Variants in ETV4 observed in about 807,000 individuals in gnomAD.
ETV4 encodes the protein ETS variant transcription factor 4.
ETV4 carries 42 observed loss-of-function variants against 65.9 expected under a neutral mutation model. The ratio of observed to expected loss-of-function variants is 0.64; its 90% CI spans 0.50 to 0.82. The LOEUF is 0.82. Among genes scored for constraint, ETV4 ranks in the 40% least tolerant of loss-of-function variants. The pLI, the probability that ETV4 is intolerant of heterozygous loss-of-function variation, is 0.00. For missense variants in ETV4, 583 were observed against 630.3 expected (o/e 0.92, Z 0.80); for synonymous variants, 238 against 260.0 (o/e 0.92, Z 0.81).
rs138305357 is a variant in ETV4 at position 43,529,148 on chromosome 17, C to T, written c.1217G>A (p.Gly406Asp). 2 of 1,613,914 alleles carry T rather than the reference C, an allele frequency of 1.2e-6. No homozygotes were observed. The highest frequency in any genetic ancestry group is 1.7e-6 in the Non-Finnish European group (2 of 1,180,032). ...SRSLRYYYEKGIMQKVAGERY... is the reference protein window; with the variant it reads ...SRSLRYYYEKDIMQKVAGERY... ...CACAGCCCCCACCTTCTGCATGATGCCTTTCTCATAATAGTATCGGAGCGA... is the reference window on the plus strand; with the variant it reads ...CACAGCCCCCACCTTCTGCATGATGTCTTTCTCATAATAGTATCGGAGCGA... Residue 406 changes from glycine (G) to aspartate (D), a missense_variant, in exon 12 of 13, where the codon GGC becomes GAC. By Grantham distance (94) the Gly-to-Asp change is moderately conservative. Coordinates refer to ENST00000319349, the MANE Select transcript of ETV4 (RefSeq NM_001079675.5).
At position 43,528,550 on chromosome 17, in the gene ETV4, G is replaced by T; in HGVS notation, c.1424C>A (p.Pro475Gln). The stretch of plus-strand genomic sequence containing the variant: ...AGAGTAGCCACCCTTGGGGCCAAAT[G>T]GCTGGGCGGGGCCAGCCAGCTCTGG... ...YLPELAGPAQ[P>Q]FGPKGGYSY Residue 475 changes from proline (P) to glutamine (Q), a missense_variant, in exon 13 of 13, where the codon CCA becomes CAA. Transcript: ENST00000319349. 9 of 1,612,680 alleles carry T rather than the reference G, an allele frequency of 5.6e-6. No homozygotes were observed. Among genetic ancestry groups the T allele is most frequent in the Non-Finnish European group, 7.6e-6 (9 of 1,179,192 alleles).
intron 6 of ETV4, among the ~76,000 whole-genome samples, 158 bp from the exon 7 acceptor site, chr17:43,533,506 C>T (rs544049545): frequency 6.6e-6 from 1 of 152,170 alleles, no homozygotes; most frequent in African/African-American, 2.4e-5. Flanking sequence ...TCAGCCCTAG[C>T]CAATTCTTTT....
At chr17:43,535,910 A>G (rs187526987) in intron 5 of ETV4, among the ~76,000 whole-genome samples, 42 of 152,332 alleles carry the variant, frequency 2.8e-4, no homozygotes, top group African/African-American at 7.9e-4. Context: ...CAGGAATTCG[A>G]GACCATCCTG....
intron 12 of ETV4, 25 bp from the exon 13 acceptor site, chr17:43,528,768 C>A: frequency 6.2e-7 from 1 of 1,603,004 alleles, no homozygotes; most frequent in South Asian, 1.1e-5. Context: ...AAGGTCTGGT[C>A]AGCCTGGCTA....
Position 43,536,275 on chromosome 17 carries a change from G to T in ETV4, c.256+151C>A. The T allele has an allele frequency of 4.1e-6, 3 of 725,440 alleles. No homozygotes were observed. In the South Asian group the frequency reaches 5.1e-5, roughly 12 times the overall value. 44.9% of individuals were successfully genotyped at this position (725,440 alleles called of 1,614,324 possible). A position where few individuals can be genotyped will look rare whatever the true frequency, so the allele number is the denominator to read the frequency against. On this transcript the variant is annotated intron_variant, in intron 5 of 12. Transcript: ENST00000319349. ...TGTCAAGCCCCAGATTTCAACCAAG[G>T]TTTTCATTCCAGTTATTGCCTTGGT... is the stretch of plus-strand genomic sequence containing the variant.
At chr17:43,543,296 T>TCTCA (rs888736657) in intron 4 of ETV4, among the ~76,000 whole-genome samples, 42 of 143,452 alleles carry the variant, frequency 2.9e-4, no homozygotes, top group African/African-American at 7.5e-4. Context: ...TCTCTCTCTC[T>TCTCA]CACACACACA....
At chr17:43,545,069 A>G (rs1354030646) in intron 3 of ETV4, 47 bp from the exon 4 acceptor site, 1 of 1,587,370 alleles carries the variant, frequency 6.3e-7, no homozygotes, top group Non-Finnish European at 8.7e-7. Context: ...GGGGACGGTA[A>G]GAGAGAAGGG....
At chr17:43,530,590 C>A (rs982794898) in intron 8 of ETV4, among the ~76,000 whole-genome samples, 3 of 145,600 alleles carry the variant, frequency 2.1e-5, no homozygotes, top group Non-Finnish European at 4.5e-5. Flanking sequence ...GGTCAGGTTC[C>A]CAGCCCTGTG....
At chr17:43,532,635 C>T in intron 8 of ETV4, 39 bp downstream of exon 8, 4 of 1,576,490 alleles carry the variant, frequency 2.5e-6, no homozygotes, top group Non-Finnish European at 3.5e-6. Flanking sequence ...TAACTGAACA[C>T]TTGATCACAT....
intron 4 of ETV4, chr17:43,543,996 G>A (rs1035819927): frequency 1.3e-5 from 2 of 152,104 alleles, no homozygotes; most frequent in African/African-American, 4.8e-5. Context: ...CAGGGTGGAG[G>A]GATGAGGAGA....
Position 43,528,000 on chromosome 17 carries a change from C to T in ETV4, c.*519G>A, listed in dbSNP as rs1201040973. ...TGCTTATACCCAGCACCCCTCATCC[C>T]AGGTTCCTTTCTTCAACCTCCGCCT... On this transcript the variant is annotated 3_prime_UTR_variant, in exon 13 of 13. Transcript: ENST00000319349. 2 of 234,168 alleles carry T rather than the reference C, an allele frequency of 8.5e-6. No individual in the cohort carries two copies. The highest frequency in any genetic ancestry group is 1.2e-4 in the East Asian group (2 of 16,596). 14.5% of individuals were successfully genotyped at this position (234,168 alleles called of 1,614,324 possible).
chr17:43,540,282 A>G (rs1265490592), intron 4 of ETV4, among the ~76,000 whole-genome samples: 1 of 152,004 alleles, frequency 6.6e-6, no homozygotes, highest in Non-Finnish European at 1.5e-5. Context: ...GCGAAACCCC[A>G]TCTCTACTAA....
chr17:43,530,967 G>A (rs565952149), intron 8 of ETV4, among the ~76,000 whole-genome samples: 11 of 152,226 alleles, frequency 7.2e-5, no homozygotes, highest in African/African-American at 2.4e-4. Flanking sequence ...GGGGGGAGGG[G>A]CAGGAGTTCA....
chr17:43,532,787 A>C lies in ETV4; in HGVS notation c.698T>G (p.Leu233Arg). The C allele has an allele frequency of 6.2e-7, 1 of 1,613,874 alleles. No individual in the cohort carries two copies. Among genetic ancestry groups the C allele is most frequent in the Non-Finnish European group, 8.5e-7 (1 of 1,179,988 alleles). ...GGCTGGCTGGCCCGCCTGTTCATAC[A>C]GGGGATCATGGTATTCTTGCTTAAA... ...QSFKQEYHDP[L>R]YEQAGQPAVD... is the part of the protein sequence containing the mutation. Residue 233 changes from leucine (L) to arginine (R), a missense_variant, in exon 8 of 13, where the codon CTG (leucine) becomes CGG (arginine). By Grantham distance (102) the Leu-to-Arg change is moderately radical. Transcript: ENST00000319349.
chr17:43,545,812 C>T (rs929303837), intron 1 of ETV4, 144 bp from the exon 2 acceptor site: 6 of 605,810 alleles, frequency 9.9e-6, no homozygotes, highest in African/African-American at 7.5e-5. Flanking sequence ...CCTGCCAGGC[C>T]GAGCGCCACC....
intron 8 of ETV4, 25 bp downstream of exon 8, chr17:43,532,648 CA>C: frequency 6.3e-7 from 1 of 1,593,776 alleles, no homozygotes; most frequent in Non-Finnish European, 8.6e-7. Context: ...GATCACATGC[CA>C]CCCTGCCCCA....
chr17:43,533,006 C>T (rs2154587104), intron 7 of ETV4, 67 bp from the exon 8 acceptor site: 1 of 1,520,886 alleles, frequency 6.6e-7, no homozygotes, highest in Non-Finnish European at 8.8e-7. Context: ...GAGCCTGTTA[C>T]TCCTAGGCTT....
chr17:43,533,720 T>C (rs1971086167), intron 6 of ETV4, 139 bp downstream of exon 6: 4 of 1,110,804 alleles, frequency 3.6e-6, no homozygotes, highest in Admixed American at 2.8e-5. Context: ...CTTAGCTGTA[T>C]TGCTTCCTTA....
chr17:43,539,268 A>G lies in ETV4; in HGVS notation c.203-2789T>C, dbSNP rs1034878915. ...ACTCTGGTCTCCTTTCTAGCCCTCA[A>G]AGCTGCTGAGCTTGTTCCTTCTTCC... On this transcript the variant is annotated intron_variant, in intron 4 of 12. Transcript: ENST00000319349. 1.2e-4 allele frequency among the ~76,000 whole-genome samples: 18 copies of G among 152,066 alleles called. 3 individuals carry two copies. The highest frequency in any genetic ancestry group is 1.0e-3 in the Admixed American group (16 of 15,268).
Sources: gnomAD v4.1 joint callset for allele counts (sites outside exome capture counted in the v4.1 genomes callset) on GRCh38, gnomAD v4.1.1 for gene constraint, MANE v1.5 for transcripts, NCBI Gene and HGNC (gene_info 2026-07-23, HGNC 2026-07-21) for gene names.